Variants in TOGARAM2 observed in about 807,000 individuals in gnomAD.
TOGARAM2 encodes TOG array regulator of axonemal microtubules 2.
TOGARAM2 carries 85 observed loss-of-function variants against 93.3 expected under a neutral mutation model. That is an observed-to-expected ratio of 0.91 (90% CI 0.76 to 1.09). The LOEUF is 1.09. Among genes scored for constraint, TOGARAM2 ranks in the 50% least tolerant of loss-of-function variants. The pLI, the probability that TOGARAM2 is intolerant of heterozygous loss-of-function variation, is 0.00. For missense variants in TOGARAM2, 1,277 were observed against 1,334.5 expected (o/e 0.96, Z 0.67); for synonymous variants, 593 against 552.8 (o/e 1.07, Z -1.02).
Position 29,033,016 on chromosome 2 carries a change from G to C in TOGARAM2, c.2095G>C (p.Asp699His). The C allele has an allele frequency of 6.2e-7, 1 of 1,613,794 alleles. No homozygotes were observed. The highest frequency in any genetic ancestry group is 8.5e-7 in the Non-Finnish European group (1 of 1,179,852). Residue 699 changes from aspartate to histidine, a missense_variant, in exon 15 of 20, where the codon GAC (aspartate) becomes CAC (histidine). Transcript: ENST00000379558. ...TCTGAAGCAATCTCTCCCATCTTACGACTTGCAGAAGGTCATGGCGGCCAT... is the reference window on the plus strand; with the variant it reads ...TCTGAAGCAATCTCTCCCATCTTACCACTTGCAGAAGGTCATGGCGGCCAT... ...AFLKQSLPSYDLQKVMAAIKQ... is the reference protein window; with the variant it reads ...AFLKQSLPSYHLQKVMAAIKQ...
intron 1 of TOGARAM2, among the ~76,000 whole-genome samples, chr2:28,970,673 AG>A (rs1671934807): frequency 6.6e-6 from 1 of 152,208 alleles, no homozygotes; most frequent in African/African-American, 2.4e-5. Flanking sequence ...TTAAAAGCCC[AG>A]GGTGGACTCC....
Position 28,985,331 on chromosome 2 carries a change from G to GT in TOGARAM2, c.-111+3793_-111+3794insT, listed in dbSNP as rs200905267. On this transcript the variant is annotated intron_variant, in intron 1 of 19. Coordinates refer to ENST00000379558, the MANE Select transcript of TOGARAM2 (RefSeq NM_199280.4). The stretch of plus-strand genomic sequence containing the variant: ...CCAGCCTCCAGAACTAAATTGCTGG[G>GT]GTTTTTTTTTTGTTTTGCTTTTCAT... 7.3e-3 allele frequency among the ~76,000 whole-genome samples: 806 copies of GT among 111,112 alleles called. 8 individuals carry two copies. The highest frequency in any genetic ancestry group is 0.024 in the African/African-American group (729 of 30,234). The allele number at this position is 111,112 out of a possible 152,430, so 72.9% of individuals were successfully genotyped here. A position where few individuals can be genotyped will look rare whatever the true frequency, so the allele number is the denominator to read the frequency against.
intron 18 of TOGARAM2, among the ~76,000 whole-genome samples, chr2:29,039,362 C>A (rs991060940): frequency 1.3e-5 from 2 of 152,210 alleles, no homozygotes; most frequent in African/African-American, 4.8e-5. Context: ...AACAGCTCAG[C>A]AGGTTACTGT....
At chr2:29,046,442 G>A (rs1416733851) in intron 19 of TOGARAM2, 1 of 152,300 alleles carries the variant, frequency 6.6e-6, no homozygotes, top group Non-Finnish European at 1.5e-5. Context: ...GAGGGACTCT[G>A]TTCCCTAGAC....
In TOGARAM2 at chr2:29,023,121, G is replaced by T. The variant is rs369060914; in HGVS notation, c.1547G>T (p.Arg516Leu). The T allele has an allele frequency of 6.2e-6, 10 of 1,601,390 alleles. No individual in the cohort carries two copies. The highest frequency in any genetic ancestry group is 8.5e-6 in the Non-Finnish European group (10 of 1,174,166). The change falls in exon 12 of 20, where the codon CGC becomes CTC. Residue 516 changes from arginine to leucine, a missense_variant. Transcript: ENST00000379558. The stretch of plus-strand genomic sequence containing the variant: ...GAGAAGGGTCTGGTGAGCATCCAGC[G>T]CTTGGCAGCCTGTCACTCAGAGGTC... ...MKEKGLVSIQ[R>L]LAACHSEVLT...
Position 29,026,990 on chromosome 2 carries a change from A to T in TOGARAM2, c.1991A>T (p.Gln664Leu). Residue 664 changes from glutamine to leucine, a missense_variant, in exon 14 of 20, where the codon CAG becomes CTG. By Grantham distance (113) the Gln-to-Leu change is moderately radical. Transcript: ENST00000379558. ...MLVHNLVRLA[Q>L]DSNQDTRFYG... ...GTGCACAACCTGGTGAGGCTGGCAC[A>T]GGACTCCAACCAGGACACCAGGTAG... The T allele has an allele frequency of 6.4e-7, 1 of 1,563,456 alleles. No homozygotes were observed. The highest frequency in any genetic ancestry group is 8.7e-7 in the Non-Finnish European group (1 of 1,153,854).
intron 6 of TOGARAM2, among the ~76,000 whole-genome samples, chr2:29,005,674 ATG>A (rs1663694765): frequency 4.3e-5 from 2 of 46,946 alleles, no homozygotes; most frequent in Non-Finnish European, 1.4e-4. Flanking sequence ...ATGTGTGAGC[ATG>A]CATGTGAGTG....
chr2:29,041,269 T>C (rs56068616), intron 18 of TOGARAM2, among the ~76,000 whole-genome samples: 60,856 of 151,954 alleles, frequency 0.4, 12,664 homozygotes, highest in South Asian at 0.46. Flanking sequence ...GGTGATCTGC[T>C]CACCTCGGCC....
At chr2:28,995,542 G>T (rs899355017) in intron 2 of TOGARAM2, among the ~76,000 whole-genome samples, 1 of 152,182 alleles carries the variant, frequency 6.6e-6, no homozygotes, top group African/African-American at 2.4e-5. Flanking sequence ...CATATGAATC[G>T]GAAAAGACCT....
chr2:29,047,979 TC>T (rs33997226), intron 19 of TOGARAM2: 1 of 152,208 alleles, frequency 6.6e-6, no homozygotes, highest in South Asian at 2.1e-4. Flanking sequence ...TTCTCACTTT[TC>T]CCTGCTGTAT....
intron 1 of TOGARAM2, among the ~76,000 whole-genome samples, chr2:28,984,936 G>A (rs1672395045): frequency 6.6e-6 from 1 of 152,244 alleles, no homozygotes; most frequent in African/African-American, 2.4e-5. Flanking sequence ...CAGTCCTGCT[G>A]AAGGCCTTGC....
intron 1 of TOGARAM2, among the ~76,000 whole-genome samples, chr2:28,963,514 A>G (rs189781401): frequency 1.5e-4 from 23 of 152,228 alleles, no homozygotes; most frequent in Non-Finnish European, 2.6e-4. Context: ...AGCTAGGACT[A>G]CAGGCATATG....
Position 29,011,463 on chromosome 2 carries a change from G to T in TOGARAM2, c.839G>T (p.Arg280Leu), listed in dbSNP as rs1446625760. Residue 280 changes from arginine to leucine, a missense_variant, in exon 7 of 20, where the codon CGG becomes CTG. By Grantham distance (102) the Arg-to-Leu change is moderately radical. Transcript: ENST00000379558. ...TCCCCCGTTCTTTTAAGATTGGCTCGGGGGAGTGGGCCTCGGGAGAAGACC... is the reference window on the plus strand; with the variant it reads ...TCCCCCGTTCTTTTAAGATTGGCTCTGGGGAGTGGGCCTCGGGAGAAGACC... ...GLRAPRTRLA[R>L]GSGPREKTPA... The T allele has an allele frequency of 6.2e-7, 1 of 1,608,734 alleles. No homozygotes were observed. The highest frequency in any genetic ancestry group is 1.7e-5 in the Admixed American group (1 of 58,902).
At position 28,998,215 on chromosome 2, in the gene TOGARAM2, C is replaced by T. The variant is rs996854246; in HGVS notation, c.101C>T (p.Pro34Leu). Residue 34 changes from proline (P) to leucine (L), a missense_variant, in exon 3 of 20, where the codon CCG (proline) becomes CTG (leucine). Coordinates refer to ENST00000379558, the MANE Select transcript of TOGARAM2 (RefSeq NM_199280.4). ...ACCAGTGCTGGGCCCCGGGTGCTCC[C>T]GCCTGGAAGCATCAACTCCAGTCTG... ...PRTSAGPRVL[P>L]PGSINSSLPH... 19 of 1,611,968 alleles carry T rather than the reference C, an allele frequency of 1.2e-5. No individual in the cohort carries two copies. Among genetic ancestry groups the T allele is most frequent in the African/African-American group, 1.3e-5 (1 of 74,874 alleles).
chr2:29,040,729 G>C (rs368448761), intron 18 of TOGARAM2, among the ~76,000 whole-genome samples: 11 of 152,326 alleles, frequency 7.2e-5, no homozygotes, highest in Non-Finnish European at 1.3e-4. Flanking sequence ...ATTGCATGCT[G>C]TTTGCAGGCA....
intron 19 of TOGARAM2, chr2:29,045,612 AGGTTTGTAC>A (rs1414022760): frequency 3.4e-6 from 2 of 584,698 alleles, no homozygotes; most frequent in Non-Finnish European, 6.1e-6. Context: ...AAAATGAAGT[AGGTTTGTAC>A]AAAAGCAAAA....
At chr2:29,000,717 C>T (rs777338262) in intron 4 of TOGARAM2, among the ~76,000 whole-genome samples, 3 of 152,104 alleles carry the variant, frequency 2.0e-5, no homozygotes, top group Non-Finnish European at 4.4e-5. Flanking sequence ...CAGACTGCTC[C>T]ACCTGCTGAG....
At chr2:28,968,829 A>C (rs60345620) in intron 1 of TOGARAM2, among the ~76,000 whole-genome samples, 54,423 of 108,858 alleles carry the variant, frequency 0.5, 10,862 homozygotes, top group Middle Eastern at 0.58. Flanking sequence ...AAAAAAAAAA[A>C]AAAAAAAAAA....
In TOGARAM2 at chr2:29,032,927, G is replaced by A. The variant is rs1224014086; in HGVS notation, c.2013-7G>A. The A allele has an allele frequency of 8.1e-6, 13 of 1,611,866 alleles. No individual in the cohort carries two copies. In the African/African-American group the frequency reaches 9.3e-5, roughly 12 times the overall value. On this transcript the variant is annotated splice_region_variant and splice_polypyrimidine_tract_variant and intron_variant, in intron 14 of 19. Coordinates refer to ENST00000379558, the MANE Select transcript of TOGARAM2 (RefSeq NM_199280.4). ...GTTTCTTTATCTTGCTCTCTCTCCT[G>A]TGGCAGATTTTATGGCCGGAAGATG... is the stretch of plus-strand genomic sequence containing the variant.
Sources: gnomAD v4.1 joint callset for allele counts (sites outside exome capture counted in the v4.1 genomes callset) on GRCh38, gnomAD v4.1.1 for gene constraint, MANE v1.5 for transcripts, NCBI Gene and HGNC (gene_info 2026-07-23, HGNC 2026-07-21) for gene names.